LPP: variants seen among roughly 807,000 people sequenced by gnomAD.
LPP encodes the protein LIM domain containing preferred translocation partner in lipoma.
Under a neutral mutation model 60.4 loss-of-function variants are expected in LPP, and 38 were observed. That is an observed-to-expected ratio of 0.63 (90% CI 0.49 to 0.83). The LOEUF (loss-of-function observed/expected upper bound fraction) is 0.83. LPP is among the 40% of genes least tolerant of loss of function. LPP has a pLI of 0.00. For synonymous variants in LPP, 328 were observed against 290.8 expected (o/e 1.13, Z -1.30); for missense variants, 902 against 783.6 (o/e 1.15, Z -1.80).
intron 9 of LPP, among the ~76,000 whole-genome samples, chr3:188,865,720 G>T (rs1486097404): frequency 6.6e-6 from 1 of 151,912 alleles, no homozygotes; most frequent in Non-Finnish European, 1.5e-5. Flanking sequence ...TGGAACACAA[G>T]CATGCCCATA....
chr3:188,681,225 A>G (rs763327458), intron 7 of LPP, among the ~76,000 whole-genome samples: 1 of 151,900 alleles, frequency 6.6e-6, no homozygotes, highest in Non-Finnish European at 1.5e-5. Context: ...CGATCTCTTG[A>G]CCTCGTGATC....
At chr3:188,457,628 C>T (rs1389002959) in intron 4 of LPP, among the ~76,000 whole-genome samples, 2 of 151,686 alleles carry the variant, frequency 1.3e-5, no homozygotes, top group Non-Finnish European at 2.9e-5. Flanking sequence ...TGCGGTGGCT[C>T]ACACCTGTAA....
chr3:188,582,554 A>T (rs1472514522), intron 6 of LPP, among the ~76,000 whole-genome samples: 1 of 151,752 alleles, frequency 6.6e-6, no homozygotes, highest in South Asian at 2.1e-4. Flanking sequence ...TTCACTTCCC[A>T]CATTTGGTTA....
intron 3 of LPP, among the ~76,000 whole-genome samples, chr3:188,384,453 C>A (rs191240894): frequency 6.6e-6 from 1 of 151,842 alleles, no homozygotes; most frequent in African/African-American, 2.4e-5. Context: ...CAGGTATTTA[C>A]GAAGGGACTC....
chr3:188,713,827 T>C (rs1712652226), intron 8 of LPP, among the ~76,000 whole-genome samples: 1 of 152,204 alleles, frequency 6.6e-6, no homozygotes, highest in Non-Finnish European at 1.5e-5. Flanking sequence ...GTAGAGAGAT[T>C]GACATTTCTG....
intron 3 of LPP, among the ~76,000 whole-genome samples, chr3:188,362,567 T>G (rs1769793670): frequency 1.3e-5 from 2 of 152,326 alleles, no homozygotes; most frequent in South Asian, 4.1e-4. Flanking sequence ...TTTGCAGTGT[T>G]AAAGATAGCC....
chr3:188,725,903 T>C (rs1238116566), intron 8 of LPP, among the ~76,000 whole-genome samples: 1 of 152,112 alleles, frequency 6.6e-6, no homozygotes, highest in African/African-American at 2.4e-5. Flanking sequence ...TTCAAGGGCA[T>C]TTCAGACAAA....
chr3:188,244,693 G>A (rs1029745963), intron 2 of LPP, among the ~76,000 whole-genome samples: 7 of 152,104 alleles, frequency 4.6e-5, no homozygotes, highest in African/African-American at 7.2e-5. Flanking sequence ...TGCCTTTTCC[G>A]TGTCATCTCT....
rs189082873 is a variant in LPP, at chr3:188,765,674, C to T, written c.1410+5392C>T. Reference sequence around the variant, plus strand: ...ATAATTTACACTTTATTGCTTGGCCCATACTAACATCCGTGCTAACATTCA... The same window carrying T: ...ATAATTTACACTTTATTGCTTGGCCTATACTAACATCCGTGCTAACATTCA... On this transcript the variant is annotated intron_variant, in intron 9 of 11. Transcript: ENST00000617246. Among the ~76,000 whole-genome samples the T allele has an allele frequency of 2.0e-5, 3 of 151,932 alleles. No individual in the cohort carries two copies. The East Asian group carries it at 5.9e-4, about 30-fold the overall frequency.
intron 4 of LPP, among the ~76,000 whole-genome samples, chr3:188,473,832 A>T (rs976430313): frequency 6.6e-6 from 1 of 152,230 alleles, no homozygotes. Flanking sequence ...GAGAAGATCA[A>T]TACAGTACAG....
At chr3:188,470,579 G>A (rs990717111) in intron 4 of LPP, among the ~76,000 whole-genome samples, 1 of 152,108 alleles carries the variant, frequency 6.6e-6, no homozygotes, top group Non-Finnish European at 1.5e-5. Context: ...TGAGGTAAAT[G>A]TCTCATGAAT....
chr3:188,503,471 A>G (rs940245020), intron 5 of LPP, among the ~76,000 whole-genome samples: 8 of 152,194 alleles, frequency 5.3e-5, no homozygotes, highest in Admixed American at 4.6e-4. Context: ...CATCATGATT[A>G]CAATGATGTT....
At chr3:188,155,530 T>A (rs75103108) in intron 1 of LPP, among the ~76,000 whole-genome samples, 12 of 152,072 alleles carry the variant, frequency 7.9e-5, no homozygotes, top group Non-Finnish European at 1.5e-4. Context: ...CCCTCTCCCA[T>A]CCTCCCCCTT....
intron 7 of LPP, among the ~76,000 whole-genome samples, chr3:188,670,842 G>C (rs776240222): frequency 6.6e-6 from 1 of 152,112 alleles, no homozygotes; most frequent in African/African-American, 2.4e-5. Context: ...ATGACCACAG[G>C]CTTTATATTT....
chr3:188,218,273 C>A (rs1271601102), intron 1 of LPP, among the ~76,000 whole-genome samples: 1 of 152,212 alleles, frequency 6.6e-6, no homozygotes, highest in East Asian at 1.9e-4. Context: ...TTCCTTTTAA[C>A]AGGCTGGGCT....
intron 9 of LPP, among the ~76,000 whole-genome samples, chr3:188,783,693 CT>C (rs1284681602): frequency 6.8e-6 from 1 of 148,088 alleles, no homozygotes; most frequent in African/African-American, 2.5e-5. Flanking sequence ...ACATATACCC[CT>C]GAACCTAAAA....
At chr3:188,719,359 A>G (rs1365777025) in intron 8 of LPP, among the ~76,000 whole-genome samples, 1 of 152,156 alleles carries the variant, frequency 6.6e-6, no homozygotes, top group Non-Finnish European at 1.5e-5. Context: ...CTGTCCTGAA[A>G]GATTGTCCGT....
chr3:188,516,295 A>C (rs1817340376), intron 5 of LPP, among the ~76,000 whole-genome samples: 1 of 152,122 alleles, frequency 6.6e-6, no homozygotes, highest in African/African-American at 2.4e-5. Context: ...CCATAAAATG[A>C]TATTTCTATT....
At chr3:188,745,570 A>C (rs1020556363) in intron 8 of LPP, among the ~76,000 whole-genome samples, 2 of 152,164 alleles carry the variant, frequency 1.3e-5, no homozygotes, top group African/African-American at 4.8e-5. Flanking sequence ...AAACAACCTC[A>C]ATGAGTCTTC....
Sources: allele counts gnomAD v4.1 joint callset (sites outside exome capture counted in the v4.1 genomes callset), GRCh38; gene constraint gnomAD v4.1.1; transcripts MANE v1.5; gene names NCBI Gene and HGNC (gene_info 2026-07-23, HGNC 2026-07-21).